The following MYH15 variants were observed in gnomAD, a reference collection of about 807,000 sequenced individuals.
The protein encoded by MYH15 is myosin-15.
Under a neutral mutation model 240.5 loss-of-function variants are expected in MYH15, and 227 were observed. The ratio of observed to expected loss-of-function variants is 0.94; its 90% confidence interval spans 0.85 to 1.05. The LOEUF (loss-of-function observed/expected upper bound fraction) is 1.05. MYH15 is among the 50% of genes least tolerant of loss of function. MYH15 has a pLI of 0.00. For missense variants in MYH15, 2,217 were observed against 2,247.5 expected, an observed-to-expected ratio of 0.99 and a Z score of 0.27; for synonymous variants, 785 against 796.7, an observed-to-expected ratio of 0.99 and a Z score of 0.25.
intron 22 of MYH15, among the ~76,000 whole-genome samples, chr3:108,442,285 G>A (rs2082891377): frequency 6.6e-6 from 1 of 152,156 alleles, no homozygotes; most frequent in South Asian, 2.1e-4. Context: ...GTAGCTCCTG[G>A]CTGGAGAATG....
Position 108,467,968 on chromosome 3 carries a change from C to CT in MYH15, c.1554+2073dup, listed in dbSNP as rs371855484. ...ATTTTTTACTTTAGTTTGATATAAA[C>CT]TTTTTTTTTTTTTTTGAGATAGAAT... On this transcript the variant is annotated intron_variant, in intron 14 of 40. Transcript: ENST00000693548. Among the ~76,000 whole-genome samples the CT allele has an allele frequency of 3.9e-3, 552 of 143,258 alleles. 1 individual carries two copies. Among genetic ancestry groups the CT allele is most frequent in the Non-Finnish European group, 4.0e-3 (257 of 64,748 alleles). 94.0% of individuals were successfully genotyped at this position (143,258 alleles called of 152,430 possible).
intron 1 of MYH15, chr3:108,529,207 C>G: frequency 1.3e-6 from 2 of 1,547,172 alleles, no homozygotes; most frequent in Non-Finnish European, 1.8e-6. Context: ...CTGCTACTGT[C>G]AGGCTATTCA....
In MYH15 at chr3:108,441,090, C is replaced by T. The variant is rs2082880963; in HGVS notation, c.2826G>A (p.Leu942=). The T allele has an allele frequency of 1.2e-6, 2 of 1,614,164 alleles. No individual in the cohort carries two copies. Among genetic ancestry groups the T allele is most frequent in the African/African-American group, 2.7e-5 (2 of 75,052 alleles). ...GRKLEDECFE[L]KKEIDDLETM... Reference sequence around the variant, plus strand: ...TTTCCAGGTCATCGATTTCTTTCTTCAACTCAAAACATTCATCTTCGAGTT... The same window carrying T: ...TTTCCAGGTCATCGATTTCTTTCTTTAACTCAAAACATTCATCTTCGAGTT... The change falls in exon 23 of 41, where the codon TTG becomes TTA. Residue 942 remains leucine (L), a synonymous_variant. Transcript: ENST00000693548.
intron 22 of MYH15, 66 bp downstream of exon 22, chr3:108,444,574 C>A: frequency 1.9e-6 from 3 of 1,560,590 alleles, no homozygotes; most frequent in Non-Finnish European, 2.6e-6. Context: ...CGTGTCAACA[C>A]TGCCTGCTTA....
intron 15 of MYH15, 135 bp from the exon 16 acceptor site, chr3:108,463,378 A>G: frequency 1.0e-6 from 1 of 958,298 alleles, no homozygotes; most frequent in Non-Finnish European, 1.5e-6. Flanking sequence ...GCAGTGGCAT[A>G]GTCACAGTTC....
chr3:108,507,389 A>G (rs2083487158), intron 1 of MYH15, among the ~76,000 whole-genome samples: 1 of 151,696 alleles, frequency 6.6e-6, no homozygotes, highest in Non-Finnish European at 1.5e-5. Flanking sequence ...GCCAATGGCT[A>G]GGGAAGACAC....
chr3:108,465,541 T>A (rs982018355), intron 14 of MYH15, among the ~76,000 whole-genome samples: 1 of 152,172 alleles, frequency 6.6e-6, no homozygotes. Flanking sequence ...TTAAAGAGGA[T>A]CATTGGTTTA....
chr3:108,471,547 C>T (rs1422980494), intron 12 of MYH15, among the ~76,000 whole-genome samples: 1 of 152,188 alleles, frequency 6.6e-6, no homozygotes, highest in Non-Finnish European at 1.5e-5. Flanking sequence ...CCCTTGATCT[C>T]TGATTAAATT....
In MYH15 at chr3:108,416,848, A is replaced by C. The variant is rs1433192016; in HGVS notation, c.3912T>G (p.Ile1304Met). The C allele has an allele frequency of 5.0e-6, 8 of 1,613,860 alleles. No individual in the cohort carries two copies. The South Asian group carries it at 8.8e-5, about 18-fold the overall frequency. The change falls in exon 29 of 41, where the codon ATT (isoleucine) becomes ATG (methionine). Residue 1304 changes from isoleucine to methionine, a missense_variant. Physicochemically the swap from Ile to Met is conservative, Grantham distance 10 (BLOSUM62 1). Transcript: ENST00000693548. ...TTTCCAGCTGCCCTCTCAGGTCTTC[A>C]ATCTGCCGAGTGAAGTTGCTCTTTT... ...SREKSNFTRQ[I>M]EDLRGQLEKE...
At chr3:108,544,319 T>C in the MYH15 span, among the ~76,000 whole-genome samples, 3 of 152,166 alleles carry the variant, frequency 2.0e-5, no homozygotes, top group Admixed American at 6.6e-5. Context: ...GTTTGTAGAA[T>C]GGGAAAGATT....
At chr3:108,539,197 A>C in the MYH15 span, among the ~76,000 whole-genome samples, 1 of 152,220 alleles carries the variant, frequency 6.6e-6, no homozygotes, top group Admixed American at 6.5e-5. Context: ...AATTTAGAAA[A>C]TAAAAATTTA....
At chr3:108,467,756 T>C (rs2083132313) in intron 14 of MYH15, among the ~76,000 whole-genome samples, 1 of 152,194 alleles carries the variant, frequency 6.6e-6, no homozygotes, top group Non-Finnish European at 1.5e-5. Context: ...ACCATAAATA[T>C]GTAATCATAT....
At chr3:108,514,558 T>C (rs1399947937), upstream of MYH15, among the ~76,000 whole-genome samples, 1 of 152,094 alleles carries the variant, frequency 6.6e-6, no homozygotes, top group Non-Finnish European at 1.5e-5. Flanking sequence ...TAGATTTGAA[T>C]AGGGATAGAA....
At chr3:108,384,234 TTA>T (rs1197214482) in intron 39 of MYH15, among the ~76,000 whole-genome samples, 1 of 152,206 alleles carries the variant, frequency 6.6e-6, no homozygotes, top group Non-Finnish European at 1.5e-5. Flanking sequence ...TTCCCTGTAG[TTA>T]TAGATACTGA....
rs757752612 is a variant in MYH15 at position 108,399,191 on chromosome 3, G to A, written c.4813C>T (p.Arg1605Trp). The A allele has an allele frequency of 1.1e-5, 17 of 1,613,970 alleles. No individual in the cohort carries two copies. Among genetic ancestry groups the A allele is most frequent in the Admixed American group, 3.3e-5 (2 of 59,988 alleles). ...TCCTCTTCCATCTTCTTCTTCAGCC[G>A]GGTAACCTCAATTCTGCTCTTAGCT... ...SEAKSRIEVT[R>W]LKKKMEEDLN... Residue 1605 changes from arginine (R) to tryptophan (W), a missense_variant, in exon 34 of 41, where the codon CGG becomes TGG. Transcript: ENST00000693548.
chr3:108,411,678 T>C (rs1358899342), intron 30 of MYH15, among the ~76,000 whole-genome samples: 1 of 152,246 alleles, frequency 6.6e-6, no homozygotes, highest in Admixed American at 6.5e-5. Flanking sequence ...TTACATCTCC[T>C]GCAGGGTTGC....
upstream of MYH15, among the ~76,000 whole-genome samples, chr3:108,530,839 T>C (rs2083706357): frequency 6.6e-6 from 1 of 152,110 alleles, no homozygotes. Context: ...ATATAGATGA[T>C]GGAATGAGTA....
intron 32 of MYH15, among the ~76,000 whole-genome samples, chr3:108,407,962 C>T (rs2082558696): frequency 6.6e-6 from 1 of 152,144 alleles, no homozygotes; most frequent in Non-Finnish European, 1.5e-5. Flanking sequence ...GTCCATGGGC[C>T]ACATGTTGAG....
At position 108,493,096 on chromosome 3, in the gene MYH15, A is replaced by G. The variant is rs1424840923; in HGVS notation, c.775+18T>C. The G allele has an allele frequency of 8.7e-6, 14 of 1,607,772 alleles. No individual in the cohort carries two copies. Among genetic ancestry groups the G allele is most frequent in the Non-Finnish European group, 1.2e-5 (14 of 1,174,510 alleles). ...GAAGAAAAGAAAAAAGTAATCAGAC[A>G]GTGCAATGACTACTTACAGATATCA... On this transcript the variant is annotated intron_variant, in intron 8 of 40. Coordinates refer to ENST00000693548, the MANE Select transcript of MYH15 (RefSeq NM_014981.3).
Sources: allele counts gnomAD v4.1 joint callset (sites outside exome capture counted in the v4.1 genomes callset), GRCh38; gene constraint gnomAD v4.1.1; transcripts MANE v1.5; gene names NCBI Gene and HGNC (gene_info 2026-07-23, HGNC 2026-07-21).